Variants in HELQ observed in about 807,000 individuals in gnomAD.
HELQ encodes the protein helicase POLQ-like.
A neutral mutation model predicts 111.6 loss-of-function variants in HELQ; 77 were observed. That is an observed-to-expected ratio of 0.69 (90% CI 0.57 to 0.83). HELQ has a LOEUF of 0.83. HELQ is among the 40% of genes least tolerant of loss of function. HELQ has a pLI of 0.00. For missense variants in HELQ, 1,200 were observed against 1,288.5 expected (o/e 0.93, Z 1.05); for synonymous variants, 438 against 454.7 (o/e 0.96, Z 0.47).
intron 8 of HELQ, among the ~76,000 whole-genome samples, chr4:83,439,391 G>C (rs1388470508): frequency 2.4e-5 from 3 of 122,762 alleles, no homozygotes; most frequent in Admixed American, 1.8e-4. Context: ...ATGGAGTCTC[G>C]CTGTGTCACG....
chr4:83,433,766 G>A (rs187197975), intron 9 of HELQ, among the ~76,000 whole-genome samples: 1 of 150,634 alleles, frequency 6.6e-6, no homozygotes, highest in African/African-American at 2.4e-5. Flanking sequence ...GGAGGATCAC[G>A]AGGTCAATAG....
At chr4:83,443,373 C>A (rs1211059021) in intron 6 of HELQ, 144 bp downstream of exon 6, 1 of 438,992 alleles carries the variant, frequency 2.3e-6, no homozygotes, top group Non-Finnish European at 4.1e-6. Flanking sequence ...CTATACACAA[C>A]CTCTTATTAG....
Position 83,455,612 on chromosome 4 carries a change from C to G in HELQ, c.82G>C (p.Ala28Pro), listed in dbSNP as rs755796507. The change falls in exon 1 of 18, where the codon GCT (alanine) becomes CCT (proline). Residue 28 changes from alanine (A) to proline (P), a missense_variant. By Grantham distance (27) the Ala-to-Pro change is conservative (BLOSUM62 -1). This residue lies in a region of HELQ where 610 missense variants were observed against 607.1 expected (regional missense o/e 1.00). Coordinates refer to ENST00000295488, the MANE Select transcript of HELQ (RefSeq NM_133636.5). ...NRPSLGCIFG[A>P]PTAAELVPGD... is the part of the protein sequence containing the mutation. The stretch of plus-strand genomic sequence containing the variant: ...GGCACGAGCTCGGCCGCGGTGGGAG[C>G]GCCAAAAATACACCCCAAGCTTGGA... 6.2e-7 allele frequency: 1 copy of G among 1,614,056 alleles called. No homozygotes were observed. Among genetic ancestry groups the G allele is most frequent in the South Asian group, 1.1e-5 (1 of 91,084 alleles).
intron 9 of HELQ, among the ~76,000 whole-genome samples, chr4:83,433,061 T>TA (rs35559864): frequency 0.072 from 10,302 of 143,808 alleles, 1,191 homozygotes; most frequent in African/African-American, 0.24. Context: ...CCCCATCTCT[T>TA]AAAAAAAAAA....
intron 17 of HELQ, among the ~76,000 whole-genome samples, chr4:83,408,549 C>G (rs1314297956): frequency 6.6e-6 from 1 of 151,532 alleles, no homozygotes; most frequent in Non-Finnish European, 1.5e-5. Flanking sequence ...CCATGCCCAG[C>G]CTCTTTTTTT....
chr4:83,412,203 A>G (rs1739140042), intron 17 of HELQ, among the ~76,000 whole-genome samples: 1 of 152,176 alleles, frequency 6.6e-6, no homozygotes, highest in Admixed American at 6.6e-5. Flanking sequence ...TACTATGGTT[A>G]TCCTATTTCT....
intron 17 of HELQ, among the ~76,000 whole-genome samples, chr4:83,414,038 T>G (rs545512741): frequency 6.6e-6 from 1 of 152,314 alleles, no homozygotes; most frequent in African/African-American, 2.4e-5. Context: ...AGCCACTAAA[T>G]TTTGGAGTTA....
intron 14 of HELQ, 42 bp from the exon 15 acceptor site, chr4:83,421,778 T>TA (rs1719513492): frequency 9.6e-6 from 14 of 1,462,288 alleles, no homozygotes; most frequent in African/African-American, 1.4e-5. Flanking sequence ...CTAGACCTGC[T>TA]AAAAATGTAT....
rs901886680 is a variant in HELQ at position 83,447,557 on chromosome 4, G to A, written c.1192-522C>T. On this transcript the variant is annotated intron_variant, in intron 3 of 17. Coordinates refer to ENST00000295488, the MANE Select transcript of HELQ (RefSeq NM_133636.5). ...CATGTGAAAATAAATTTCAACTGGC[G>A]CCTTTGATACCAAAAAGCATCAGGG... Among the ~76,000 whole-genome samples, 4 of 152,008 alleles carry A rather than the reference G, an allele frequency of 2.6e-5. No individual in the cohort carries two copies. In the South Asian group the frequency reaches 6.2e-4, roughly 24 times the overall value.
At chr4:83,443,660 T>C in intron 5 of HELQ, 46 bp from the exon 6 acceptor site, 1 of 756,898 alleles carries the variant, frequency 1.3e-6, no homozygotes. Flanking sequence ...GAAAATATGT[T>C]ATTTAATATA....
chr4:83,454,315 A>C (rs1172185075), intron 1 of HELQ, among the ~76,000 whole-genome samples: 1 of 152,216 alleles, frequency 6.6e-6, no homozygotes, highest in Non-Finnish European at 1.5e-5. Flanking sequence ...ATATGTAAAT[A>C]GATATCTTAC....
chr4:83,443,705 G>A (rs1290584827), intron 5 of HELQ, 91 bp from the exon 6 acceptor site: 10 of 536,260 alleles, frequency 1.9e-5, no homozygotes, highest in Non-Finnish European at 3.3e-5. Flanking sequence ...TTTGTGCTCT[G>A]AATTCTTCCT....
chr4:83,437,341 G>A (rs1018691785), intron 8 of HELQ, among the ~76,000 whole-genome samples: 4 of 152,036 alleles, frequency 2.6e-5, no homozygotes, highest in African/African-American at 7.2e-5. Context: ...GGCGAAATGC[G>A]ATGGCTCATG....
chr4:83,429,659 G>C lies in HELQ; in HGVS notation c.2383C>G (p.Leu795Val). 6.2e-7 allele frequency: 1 copy of C among 1,613,006 alleles called. No homozygotes were observed. The highest frequency in any genetic ancestry group is 8.5e-7 in the Non-Finnish European group (1 of 1,179,222). ...QQKVLLKEKS[L>V]WEITVESLRY... ...AGTGATTCAACAGTTATTTCCCAGA[G>C]ACTTTTTTCTTTCAATAAAACCTTT... The change falls in exon 12 of 18, where the codon CTC becomes GTC. Residue 795 changes from leucine (L) to valine (V), a missense_variant. Transcript: ENST00000295488.
In HELQ at chr4:83,453,554, G is replaced by C; in HGVS notation, c.689C>G (p.Thr230Ser). The C allele has an allele frequency of 6.2e-7, 1 of 1,613,584 alleles. No homozygotes were observed. The highest frequency in any genetic ancestry group is 2.2e-5 in the East Asian group (1 of 44,866). Residue 230 changes from threonine (T) to serine (S), a missense_variant, in exon 2 of 18, where the codon ACT (threonine) becomes AGT (serine). Thr to Ser is a moderately conservative substitution (Grantham distance 58). Around this residue, in one of 3 missense-constraint regions of HELQ, gnomAD observed 610 missense variants for 607.1 expected, o/e 1.00. Transcript: ENST00000295488. Reference sequence around the variant, plus strand: ...ATTATGGGGCAGTTCCTCATTCACAGTGTTGTGAGAGGATGACTTCCAATC... The same window carrying C: ...ATTATGGGGCAGTTCCTCATTCACACTGTTGTGAGAGGATGACTTCCAATC... ...ERDWKSSSHN[T>S]VNEELPHNCI...
Position 83,409,352 on chromosome 4 carries a change from C to A in HELQ, c.3199-1792G>T, listed in dbSNP as rs571476035. On this transcript the variant is annotated intron_variant, in intron 17 of 17. Coordinates refer to ENST00000295488, the MANE Select transcript of HELQ (RefSeq NM_133636.5). ...GACCATGAGGTCAGGAGATCGAGAC[C>A]ATCCTGGCTAACACAGTGAAACCCC... is the stretch of plus-strand genomic sequence containing the variant. Among the ~76,000 whole-genome samples, 11 of 152,136 alleles carry A rather than the reference C, an allele frequency of 7.2e-5. No homozygotes were observed. In the South Asian group the frequency reaches 2.3e-3, roughly 32 times the overall value.
At chr4:83,422,515 G>A (rs954879267) in intron 14 of HELQ, among the ~76,000 whole-genome samples, 4 of 152,170 alleles carry the variant, frequency 2.6e-5, no homozygotes, top group African/African-American at 9.7e-5. Context: ...CACAGAGAAG[G>A]CAGCAATGTG....
intron 11 of HELQ, among the ~76,000 whole-genome samples, chr4:83,430,682 G>A (rs1045808409): frequency 5.3e-5 from 8 of 152,038 alleles, no homozygotes; most frequent in African/African-American, 1.9e-4. Flanking sequence ...AATATAAGGG[G>A]TAAGAAAAAT....
chr4:83,437,071 T>C lies in HELQ; in HGVS notation c.1835A>G (p.Glu612Gly). The C allele has an allele frequency of 5.6e-6, 9 of 1,613,598 alleles. No individual in the cohort carries two copies. The highest frequency in any genetic ancestry group is 7.6e-6 in the Non-Finnish European group (9 of 1,179,712). ...CAAGTTCTTAATCACCTCACATTTT[T>C]CTTTCTCCTTATGTTTCAGATATTC... is the stretch of plus-strand genomic sequence containing the variant. ...SKEYLKHKEK[E>G]KCEVIKNLKN... is the part of the protein sequence containing the mutation. Residue 612 changes from glutamate (E) to glycine (G), a missense_variant, in exon 9 of 18, where the codon GAA becomes GGA. Around this residue, in one of 3 missense-constraint regions of HELQ, gnomAD observed 585 missense variants for 665.3 expected, o/e 0.88. Coordinates refer to ENST00000295488, the MANE Select transcript of HELQ (RefSeq NM_133636.5).
Sources: allele counts gnomAD v4.1 joint callset (sites outside exome capture counted in the v4.1 genomes callset), GRCh38; gene constraint gnomAD v4.1.1; regional missense constraint gnomAD v4.1.1; transcripts MANE v1.5; gene names NCBI Gene and HGNC (gene_info 2026-07-23, HGNC 2026-07-21).